Variants in CALN1 observed in about 807,000 individuals in gnomAD.
The protein encoded by CALN1 is calcium-binding protein 8.
In CALN1, 17 loss-of-function variants were observed where a neutral mutation model predicts 30.6. That is an observed-to-expected ratio of 0.56 (90% CI 0.38 to 0.83). The LOEUF (loss-of-function observed/expected upper bound fraction) is 0.83. Ranked by LOEUF, CALN1 falls within the 40% of genes least tolerant of loss-of-function variation. The probability of loss-of-function intolerance (pLI) is 0.00; values close to 1 mark genes in which losing one functional copy is unlikely to be tolerated. For missense variants in CALN1, 291 were observed against 354.9 expected, an observed-to-expected ratio of 0.82 and a Z score of 1.45; for synonymous variants, 156 against 131.4, an observed-to-expected ratio of 1.19 and a Z score of -1.28.
At chr7:72,112,880 G>A (rs1031103904) in intron 3 of CALN1, among the ~76,000 whole-genome samples, 4 of 152,150 alleles carry the variant, frequency 2.6e-5, no homozygotes, top group Non-Finnish European at 2.9e-5. Flanking sequence ...CACGGAGGTC[G>A]AGATGTTGAA....
intron 5 of CALN1, among the ~76,000 whole-genome samples, chr7:71,941,043 T>C (rs970921176): frequency 6.6e-6 from 1 of 152,156 alleles, no homozygotes; most frequent in African/African-American, 2.4e-5. Flanking sequence ...TGGATATAAT[T>C]ATATCAATAT....
chr7:72,293,309 G>A (rs577251138), intron 2 of CALN1, among the ~76,000 whole-genome samples: 7 of 152,142 alleles, frequency 4.6e-5, no homozygotes, highest in Non-Finnish European at 7.3e-5. Context: ...TTCCCAAAAG[G>A]ATCTAGCACC....
chr7:72,031,263 T>C (rs1801420153), intron 4 of CALN1, among the ~76,000 whole-genome samples: 1 of 152,130 alleles, frequency 6.6e-6, no homozygotes, highest in Non-Finnish European at 1.5e-5. Context: ...CAAACTGAAA[T>C]CTAAATGGCT....
chr7:72,365,334 AAAG>A lies in CALN1; in HGVS notation c.119+37914_119+37916del, dbSNP rs148591061. On this transcript the variant is annotated intron_variant, in intron 2 of 6. Coordinates refer to ENST00000395275, the MANE Select transcript of CALN1 (RefSeq NM_031468.4). ...GGTGACAGAGCAAGACCTTGTCTCA[AAAG>A]AAGAAAAAAATAATAATTATATCTT... Among the ~76,000 whole-genome samples the A allele has an allele frequency of 4.3e-3, 652 of 152,320 alleles. 7 individuals carry two copies. Among genetic ancestry groups the A allele is most frequent in the African/African-American group, 0.015 (633 of 41,574 alleles).
chr7:71,816,828 C>T (rs1240787464), intron 5 of CALN1, among the ~76,000 whole-genome samples: 4 of 152,016 alleles, frequency 2.6e-5, no homozygotes, highest in African/African-American at 7.2e-5. Context: ...ATTAGCCCGG[C>T]GTGGTGACGC....
At chr7:72,462,322 A>T in the CALN1 span, among the ~76,000 whole-genome samples, 313 of 152,198 alleles carry the variant, frequency 2.1e-3, 15 homozygotes, top group South Asian at 0.063. Context: ...AATAGCTGGG[A>T]CTACAGGTGT....
the CALN1 span, among the ~76,000 whole-genome samples, chr7:72,452,991 G>A: frequency 6.6e-6 from 1 of 152,332 alleles, no homozygotes; most frequent in South Asian, 2.1e-4. Flanking sequence ...AAGGAGAAAG[G>A]AAAGCAGCAG....
At chr7:71,823,831 C>T (rs1327518887) in intron 5 of CALN1, among the ~76,000 whole-genome samples, 4 of 152,118 alleles carry the variant, frequency 2.6e-5, no homozygotes, top group African/African-American at 7.2e-5. Context: ...GCCTCACAAT[C>T]GTGGCAGAAG....
At chr7:72,061,205 G>A (rs138228619) in intron 4 of CALN1, among the ~76,000 whole-genome samples, 48 of 152,214 alleles carry the variant, frequency 3.2e-4, no homozygotes, top group African/African-American at 1.1e-3. Flanking sequence ...ATCTCATAAC[G>A]TAATATTCAA....
At chr7:72,040,111 G>C (rs892263450) in intron 4 of CALN1, among the ~76,000 whole-genome samples, 1 of 152,068 alleles carries the variant, frequency 6.6e-6, no homozygotes, top group Non-Finnish European at 1.5e-5. Context: ...ACCCTGAGAA[G>C]GTTAGGAAAA....
At chr7:72,028,761 T>G (rs1801253302) in intron 4 of CALN1, among the ~76,000 whole-genome samples, 1 of 152,144 alleles carries the variant, frequency 6.6e-6, no homozygotes, top group African/African-American at 2.4e-5. Context: ...GAGGCCGAGA[T>G]GGGTGGGTCA....
intron 3 of CALN1, among the ~76,000 whole-genome samples, chr7:72,200,162 T>C (rs535807853): frequency 6.6e-6 from 1 of 151,850 alleles, no homozygotes; most frequent in Non-Finnish European, 1.5e-5. Flanking sequence ...TAATATGAAA[T>C]TGGGGGGAGT....
At chr7:71,868,363 C>T (rs538207881) in intron 5 of CALN1, among the ~76,000 whole-genome samples, 135 of 147,566 alleles carry the variant, frequency 9.1e-4, no homozygotes, top group African/African-American at 3.4e-3. Context: ...GGAGGAAGTG[C>T]TACACACTTT....
the CALN1 span, among the ~76,000 whole-genome samples, chr7:72,498,789 TATC>T: frequency 4.6e-5 from 7 of 150,998 alleles, no homozygotes; most frequent in African/African-American, 1.7e-4. Flanking sequence ...AAATGCAAAA[TATC>T]ATTATGAACT....
intron 2 of CALN1, among the ~76,000 whole-genome samples, chr7:72,315,007 T>C (rs1296300191): frequency 8.8e-5 from 13 of 147,480 alleles, no homozygotes; most frequent in African/African-American, 3.0e-4. Flanking sequence ...ATTAATTAGC[T>C]GGACATGACG....
intron 3 of CALN1, among the ~76,000 whole-genome samples, chr7:72,148,413 AAAAAAAAGAAAAAAAAGAAAAAAG>A (rs1786947106): frequency 1.1e-5 from 1 of 91,110 alleles, no homozygotes. Flanking sequence ...ACAAAAAAGT[AAAAAAAAGAAAAAAAAGAAAAAAG>A]AAAAAAAGAA....
intron 1 of CALN1, among the ~76,000 whole-genome samples, chr7:72,404,688 G>A (rs776198894): frequency 1.3e-5 from 2 of 152,204 alleles, no homozygotes; most frequent in Non-Finnish European, 2.9e-5. Context: ...CGATTCTGGT[G>A]AGAGGTGCAT....
chr7:72,354,529 C>T (rs1475576315), intron 2 of CALN1, among the ~76,000 whole-genome samples: 1 of 152,046 alleles, frequency 6.6e-6, no homozygotes, highest in Non-Finnish European at 1.5e-5. Flanking sequence ...ACTTTCTTTC[C>T]AACTGATTTC....
chr7:72,450,594 C>G (rs1808639298), upstream of CALN1, among the ~76,000 whole-genome samples: 1 of 152,160 alleles, frequency 6.6e-6, no homozygotes, highest in South Asian at 2.1e-4. Flanking sequence ...CAAAATCAAG[C>G]CCCAGCCAGG....
Sources: gnomAD v4.1 joint callset for allele counts (sites outside exome capture counted in the v4.1 genomes callset) on GRCh38, gnomAD v4.1.1 for gene constraint, MANE v1.5 for transcripts, NCBI Gene and HGNC (gene_info 2026-07-23, HGNC 2026-07-21) for gene names.